Variants in DNMT1 observed in about 807,000 individuals in gnomAD.
DNMT1 encodes the protein DNA (cytosine-5)-methyltransferase 1.
In DNMT1, 24 loss-of-function variants were observed where a neutral mutation model predicts 205.3. The ratio of observed to expected loss-of-function variants is 0.12; its 90% CI spans 0.08 to 0.16. DNMT1 has a LOEUF of 0.16. Among genes scored for constraint, DNMT1 ranks in the 10% least tolerant of loss-of-function variants. DNMT1 has a pLI of 1.00. For synonymous variants in DNMT1, 817 were observed against 839.8 expected (o/e 0.97, Z 0.47); for missense variants, 1,293 against 2,177.7 (o/e 0.59, Z 8.09).
chr19:10,163,306 C>G lies in DNMT1; in HGVS notation c.926+20G>C, dbSNP rs1568241031. The G allele has an allele frequency of 6.2e-7, 1 of 1,613,704 alleles. No individual in the cohort carries two copies. Among genetic ancestry groups the G allele is most frequent in the Admixed American group, 1.7e-5 (1 of 60,010 alleles). On this transcript the variant is annotated intron_variant, in intron 12 of 40. Coordinates refer to ENST00000359526, the MANE Select transcript of DNMT1 (RefSeq NM_001130823.3). Reference sequence around the variant, plus strand: ...TACTGATCCAGATGACACAAAAGCACAAGCATTTTAAACACTTACAGATCT... The same window carrying G: ...TACTGATCCAGATGACACAAAAGCAGAAGCATTTTAAACACTTACAGATCT...
At chr19:10,139,993 T>C (rs927463229) in intron 33 of DNMT1, 53 bp downstream of exon 33, 1 of 1,601,602 alleles carries the variant, frequency 6.2e-7, no homozygotes, top group Non-Finnish European at 8.5e-7. Context: ...ACTGCTGACA[T>C]GCGGCACAGC....
At chr19:10,188,251 G>A (rs1568261319) in intron 1 of DNMT1, among the ~76,000 whole-genome samples, 1 of 152,092 alleles carries the variant, frequency 6.6e-6, no homozygotes, top group Non-Finnish European at 1.5e-5. Context: ...AGGCAAAAGA[G>A]TAGACCCACT....
chr19:10,147,194 C>T (rs1017521518), intron 27 of DNMT1, among the ~76,000 whole-genome samples: 9 of 151,598 alleles, frequency 5.9e-5, no homozygotes, highest in Admixed American at 3.9e-4. Context: ...CCCAGCAGGT[C>T]GAGGCTACAG....
intron 28 of DNMT1, 59 bp from the exon 29 acceptor site, chr19:10,144,046 G>T: frequency 6.5e-7 from 1 of 1,531,400 alleles, no homozygotes; most frequent in Non-Finnish European, 9.0e-7. Context: ...GGTCAGTCAG[G>T]CATGACTGAC....
At chr19:10,173,060 T>A in intron 9 of DNMT1, 30 bp downstream of exon 9, 1 of 1,613,392 alleles carries the variant, frequency 6.2e-7, no homozygotes, top group Non-Finnish European at 8.5e-7. Context: ...TAAGGGAGAA[T>A]TAACAAACTT....
Position 10,187,345 on chromosome 19 carries a change from T to C in DNMT1, c.81-5268A>G, listed in dbSNP as rs189950242. Reference sequence around the variant, plus strand: ...ATGGCTGGGCGCAGTGGCTCATGCCTGTAATCTCTACACTCGGGAAGCCAG... The same window carrying C: ...ATGGCTGGGCGCAGTGGCTCATGCCCGTAATCTCTACACTCGGGAAGCCAG... On this transcript the variant is annotated intron_variant, in intron 1 of 40. Coordinates refer to ENST00000359526, the MANE Select transcript of DNMT1 (RefSeq NM_001130823.3). Among the ~76,000 whole-genome samples, 9 of 152,238 alleles carry C rather than the reference T, an allele frequency of 5.9e-5. 1 individual carries two copies. Among genetic ancestry groups the C allele is most frequent in the Admixed American group, 2.6e-4 (4 of 15,250 alleles).
At chr19:10,164,219 G>A (rs1173851158) in intron 11 of DNMT1, among the ~76,000 whole-genome samples, 1 of 152,040 alleles carries the variant, frequency 6.6e-6, no homozygotes, top group Non-Finnish European at 1.5e-5. Context: ...GTATGATCTT[G>A]GCTCACCTCT....
chr19:10,162,498 G>C (rs1182449547), intron 13 of DNMT1, among the ~76,000 whole-genome samples, 169 bp downstream of exon 13: 1 of 151,374 alleles, frequency 6.6e-6, no homozygotes, highest in Admixed American at 6.6e-5. Flanking sequence ...TTGAACTCCT[G>C]ACCTCATGTG....
intron 1 of DNMT1, 146 bp downstream of exon 1, chr19:10,194,674 G>T: frequency 8.6e-7 from 1 of 1,169,542 alleles, no homozygotes; most frequent in Non-Finnish European, 1.1e-6. Flanking sequence ...CACCCTGCCC[G>T]CGCCAACTGC....
At chr19:10,175,356 A>G (rs966371274) in intron 7 of DNMT1, among the ~76,000 whole-genome samples, 184 bp downstream of exon 7, 3 of 152,130 alleles carry the variant, frequency 2.0e-5, no homozygotes, top group African/African-American at 4.8e-5. Flanking sequence ...ATACACGTGC[A>G]TATGTATATA....
chr19:10,182,079 TG>T lies in DNMT1; in HGVS notation c.81-3del, dbSNP rs771970480. On this transcript the variant is annotated splice_polypyrimidine_tract_variant and splice_region_variant and intron_variant, in intron 1 of 40. Coordinates refer to ENST00000359526, the MANE Select transcript of DNMT1 (RefSeq NM_001130823.3). ...CTGTCTCTTTCCAAATCTTTGAGCC[TG>T]GGAGGAAGAAATAGGGGAGAAAATA... 2.6e-5 allele frequency: 42 copies of T among 1,613,404 alleles called. 1 individual carries two copies. In the East Asian group the frequency reaches 9.1e-4, roughly 35 times the overall value.
chr19:10,171,953 G>A (rs2038827942), intron 9 of DNMT1, among the ~76,000 whole-genome samples: 1 of 151,620 alleles, frequency 6.6e-6, no homozygotes, highest in Non-Finnish European at 1.5e-5. Flanking sequence ...GTTGCAATGA[G>A]CCAAGATCGC....
chr19:10,162,440 T>C (rs1015327833), intron 13 of DNMT1, among the ~76,000 whole-genome samples: 2 of 151,636 alleles, frequency 1.3e-5, no homozygotes, highest in Non-Finnish European at 2.9e-5. Flanking sequence ...CAGATAATTT[T>C]TGTATTTTTA....
At chr19:10,162,619 GGAAA>G in intron 13 of DNMT1, 44 bp downstream of exon 13, 2 of 1,407,816 alleles carry the variant, frequency 1.4e-6, no homozygotes, top group Non-Finnish European at 1.9e-6. Context: ...CCCGTCTTGG[GGAAA>G]AAAAAAAAAA....
intron 9 of DNMT1, among the ~76,000 whole-genome samples, chr19:10,172,688 G>A (rs1015083844): frequency 6.6e-6 from 1 of 151,880 alleles, no homozygotes; most frequent in Non-Finnish European, 1.5e-5. Flanking sequence ...GGCGGCGGGC[G>A]CCTGTAGTCC....
intron 1 of DNMT1, among the ~76,000 whole-genome samples, chr19:10,185,065 G>A (rs537800415): frequency 6.6e-6 from 1 of 152,318 alleles, no homozygotes; most frequent in East Asian, 1.9e-4. Context: ...TCCAGGCAAA[G>A]AGCTAAGTGA....
chr19:10,175,461 G>T, intron 7 of DNMT1, 79 bp downstream of exon 7: 1 of 1,553,956 alleles, frequency 6.4e-7, no homozygotes, highest in Non-Finnish European at 8.9e-7. Flanking sequence ...TTATTTACTT[G>T]GACAGAACAC....
At position 10,151,782 on chromosome 19, in the gene DNMT1, A is replaced by G. The variant is rs2038348277; in HGVS notation, c.2085T>C (p.Ser695=). Residue 695 remains serine, a synonymous_variant, in exon 23 of 41, where the codon AGT becomes AGC. Transcript: ENST00000359526. This position sits in a 1 kb window ranked among gnomAD's most constrained non-coding sequence, Gnocchi z 5.0. The stretch of plus-strand genomic sequence containing the variant: ...CTTGGCAAGCCTGCTTGCTCCGTCC[A>G]CTGCCACCAAATTTAACCATGTCCT... ...ACKDMVKFGG[S]GRSKQACQER... 6.2e-7 allele frequency: 1 copy of G among 1,614,044 alleles called. No homozygotes were observed. The highest frequency in any genetic ancestry group is 1.7e-5 in the Admixed American group (1 of 59,982).
intron 9 of DNMT1, among the ~76,000 whole-genome samples, chr19:10,172,331 G>A (rs1274293614): frequency 1.3e-5 from 2 of 151,364 alleles, no homozygotes; most frequent in Non-Finnish European, 2.9e-5. Flanking sequence ...ACAAGAACCC[G>A]GGAGGCAGAG....
Sources: gnomAD v4.1 joint callset for allele counts (sites outside exome capture counted in the v4.1 genomes callset) on GRCh38, gnomAD v4.1.1 for gene constraint, Gnocchi (gnomAD v3.1) non-coding constraint, MANE v1.5 for transcripts, NCBI Gene and HGNC (gene_info 2026-07-23, HGNC 2026-07-21) for gene names.